ARAP1: variants seen among roughly 807,000 people sequenced by gnomAD.
ARAP1 encodes the protein arf-GAP with Rho-GAP domain, ANK repeat and PH domain-containing protein 1.
ARAP1 carries 76 observed loss-of-function variants against 172.2 expected under a neutral mutation model. The ratio of observed to expected loss-of-function variants is 0.44; its 90% CI spans 0.37 to 0.53. The LOEUF (loss-of-function observed/expected upper bound fraction) is 0.53, where lower values mean the gene tolerates loss of function less well. Ranked by LOEUF, ARAP1 falls within the 20% of genes least tolerant of loss-of-function variation. The pLI is 0.00. For synonymous variants in ARAP1, 804 were observed against 803.3 expected (o/e 1.00, Z -0.01); for missense variants, 1,686 against 1,977.5 (o/e 0.85, Z 2.80).
chr11:72,698,456 A>G (rs914361548), intron 18 of ARAP1, among the ~76,000 whole-genome samples: 7 of 152,194 alleles, frequency 4.6e-5, no homozygotes, highest in Non-Finnish European at 1.0e-4. Flanking sequence ...CATGGGTGCT[A>G]CTGAAGAGCT....
At chr11:72,749,161 T>A (rs1269566674) in intron 1 of ARAP1, among the ~76,000 whole-genome samples, 1 of 152,146 alleles carries the variant, frequency 6.6e-6, no homozygotes, top group Non-Finnish European at 1.5e-5. Flanking sequence ...GCTGCCTCGG[T>A]CACCACCCGG....
intron 12 of ARAP1, 30 bp from the exon 13 acceptor site, chr11:72,705,920 C>G: frequency 6.2e-7 from 1 of 1,610,718 alleles, no homozygotes; most frequent in Non-Finnish European, 8.5e-7. Context: ...CCCAGAATCA[C>G]CTGGGCCCCC....
chr11:72,744,390 C>T (rs913728252), intron 1 of ARAP1, among the ~76,000 whole-genome samples: 2 of 152,166 alleles, frequency 1.3e-5, no homozygotes, highest in African/African-American at 4.8e-5. Context: ...AGCCTCCAGC[C>T]TCCCAATACG....
intron 8 of ARAP1, 123 bp from the exon 9 acceptor site, chr11:72,711,264 C>A (rs1374122492): frequency 3.3e-6 from 5 of 1,507,424 alleles, no homozygotes; most frequent in Non-Finnish European, 2.7e-6. Flanking sequence ...CCTGTGCTGA[C>A]CCTGACTGCA....
At position 72,709,864 on chromosome 11, in the gene ARAP1, G is replaced by A. The variant is rs1403514567; in HGVS notation, c.1523+6C>T. ...ATGCCGGTGAGCCAAGAAGATGGAGGGTCACCTGAAGATGCGGTAGGGCGT... is the reference window on the plus strand; with the variant it reads ...ATGCCGGTGAGCCAAGAAGATGGAGAGTCACCTGAAGATGCGGTAGGGCGT... On this transcript the variant is annotated splice_donor_region_variant and intron_variant, in intron 11 of 34. Coordinates refer to ENST00000393609, the MANE Select transcript of ARAP1 (RefSeq NM_001040118.3). 13 of 1,613,718 alleles carry A rather than the reference G, an allele frequency of 8.1e-6. 1 individual carries two copies. Among genetic ancestry groups the A allele is most frequent in the Non-Finnish European group, 1.1e-5 (13 of 1,179,760 alleles).
Position 72,697,093 on chromosome 11 carries a change from T to A in ARAP1, c.3056A>T (p.Glu1019Val). 6.2e-7 allele frequency: 1 copy of A among 1,609,374 alleles called. No individual in the cohort carries two copies. Residue 1019 changes from glutamate (E) to valine (V), a missense_variant, in exon 22 of 35, where the codon GAG becomes GTG. Physicochemically the swap from Glu to Val is moderately radical, Grantham distance 121 (BLOSUM62 -2). This residue lies in a region of ARAP1 where 274 missense variants were observed against 262.7 expected (regional missense o/e 1.04). Coordinates refer to ENST00000393609, the MANE Select transcript of ARAP1 (RefSeq NM_001040118.3). ...RQDARSVHLK[E>V]GEQHVDDVSS... Reference sequence around the variant, plus strand: ...AACATCATCCACGTGCTGCTCGCCCTCCTTGAGGTGCACAGAGCGCGCATC... The same window carrying A: ...AACATCATCCACGTGCTGCTCGCCCACCTTGAGGTGCACAGAGCGCGCATC...
chr11:72,727,303 G>C (rs1271490342), intron 2 of ARAP1, 131 bp from the exon 3 acceptor site: 1 of 811,222 alleles, frequency 1.2e-6, no homozygotes, highest in Non-Finnish European at 1.9e-6. Flanking sequence ...TGTGCTCCAT[G>C]TGCTAAGCAA....
intron 1 of ARAP1, among the ~76,000 whole-genome samples, chr11:72,744,976 C>T (rs1369515634): frequency 6.6e-6 from 1 of 152,184 alleles, no homozygotes; most frequent in African/African-American, 2.4e-5. Flanking sequence ...GGGAGGGAAG[C>T]CTTTAGCCAA....
Position 72,685,430 on chromosome 11 carries a change from A to C in ARAP1, c.*234T>G. The C allele has an allele frequency of 1.7e-6, 1 of 594,268 alleles. No homozygotes were observed. The highest frequency in any genetic ancestry group is 3.0e-6 in the Non-Finnish European group (1 of 335,380). The allele number at this position is 594,268 out of a possible 1,614,324, so 36.8% of individuals were successfully genotyped here. A position where few individuals can be genotyped will look rare whatever the true frequency, so the allele number is the denominator to read the frequency against. ...CCCGGTGGGGTGAGCAGGTTGGGCCAAGAGGTCTGAACACCTGGACAGAGT... is the reference window on the plus strand; with the variant it reads ...CCCGGTGGGGTGAGCAGGTTGGGCCCAGAGGTCTGAACACCTGGACAGAGT... On this transcript the variant is annotated 3_prime_UTR_variant, in exon 35 of 35. Transcript: ENST00000393609.
chr11:72,692,858 T>A, intron 29 of ARAP1, 73 bp from the exon 30 acceptor site: 1 of 1,587,640 alleles, frequency 6.3e-7, no homozygotes, highest in South Asian at 1.1e-5. Context: ...CAGTGATGTG[T>A]GGGGTTGGGG....
At chr11:72,697,671 T>C in intron 19 of ARAP1, 22 bp from the exon 20 acceptor site, 1 of 1,613,770 alleles carries the variant, frequency 6.2e-7, no homozygotes, top group South Asian at 1.1e-5. Flanking sequence ...TTAGTCAAGG[T>C]GAGGCCCAGG....
At chr11:72,701,513 G>A (rs1413051290) in intron 16 of ARAP1, 136 bp downstream of exon 16, 8 of 1,259,762 alleles carry the variant, frequency 6.4e-6, no homozygotes, top group Non-Finnish European at 8.7e-6. Context: ...TACCTACTGT[G>A]TACCACAGAC....
intron 3 of ARAP1, among the ~76,000 whole-genome samples, chr11:72,719,826 G>T (rs1321699677): frequency 6.6e-6 from 1 of 152,060 alleles, no homozygotes; most frequent in Admixed American, 6.5e-5. Flanking sequence ...GTCTATCAGT[G>T]CATACTTACA....
intron 4 of ARAP1, 119 bp from the exon 5 acceptor site, chr11:72,713,362 G>C: frequency 3.3e-6 from 3 of 921,316 alleles, no homozygotes; most frequent in Non-Finnish European, 5.0e-6. Context: ...ACCTCCCCCT[G>C]GCTTTCAAAA....
chr11:72,734,371 T>C (rs928452919), intron 1 of ARAP1, among the ~76,000 whole-genome samples: 1 of 152,182 alleles, frequency 6.6e-6, no homozygotes, highest in African/African-American at 2.4e-5. Context: ...TCCTCCCACT[T>C]TGACCTCCCA....
chr11:72,706,746 A>G (rs756362698), intron 12 of ARAP1, among the ~76,000 whole-genome samples: 9 of 151,992 alleles, frequency 5.9e-5, no homozygotes, highest in Admixed American at 3.9e-4. Context: ...CTGACCCACA[A>G]ATCTGACCAT....
In ARAP1 at chr11:72,710,457, C is replaced by T. The variant is rs1856963428; in HGVS notation, c.1344G>A (p.Glu448=). 10 of 1,614,006 alleles carry T rather than the reference C, an allele frequency of 6.2e-6. No homozygotes were observed. The highest frequency in any genetic ancestry group is 8.5e-6 in the Non-Finnish European group (10 of 1,180,004). Residue 448 remains glutamate (E), a synonymous_variant, in exon 10 of 35, where the codon GAG becomes GAA. Transcript: ENST00000393609. This position sits in a 1 kb window ranked among gnomAD's most constrained non-coding sequence, Gnocchi z 4.3. ...SEQPDRAGSL[E]LRGFKNKLYV... The stretch of plus-strand genomic sequence containing the variant: ...ACAGCTTATTCTTGAAGCCACGAAG[C>T]TCCAGGCTGCCAGCGCGGTCAGGCT...
Position 72,699,584 on chromosome 11 carries a change from G to A in ARAP1, c.2303-32C>T. On this transcript the variant is annotated intron_variant, in intron 16 of 34. Coordinates refer to ENST00000393609, the MANE Select transcript of ARAP1 (RefSeq NM_001040118.3). The surrounding 1 kb of genome is among the most constrained non-coding windows in gnomAD (Gnocchi z 4.2). Reference sequence around the variant, plus strand: ...AGAATTTGGGCAGGGGAGCCATCAGGGAGCCCCCCACCACCTGAAAACCAC... The same window carrying A: ...AGAATTTGGGCAGGGGAGCCATCAGAGAGCCCCCCACCACCTGAAAACCAC... 1 of 1,599,116 alleles carries A rather than the reference G, an allele frequency of 6.3e-7. No individual in the cohort carries two copies. The highest frequency in any genetic ancestry group is 1.3e-5 in the African/African-American group (1 of 74,638).
At chr11:72,705,551 G>A (rs944775811) in intron 13 of ARAP1, 2 of 492,094 alleles carry the variant, frequency 4.1e-6, no homozygotes, top group South Asian at 6.6e-5. Flanking sequence ...AGTCTCTGCT[G>A]CATTTTCTTC....
Sources: gnomAD v4.1 joint callset for allele counts (sites outside exome capture counted in the v4.1 genomes callset) on GRCh38, gnomAD v4.1.1 for gene constraint, gnomAD v4.1.1 regional missense constraint, Gnocchi (gnomAD v3.1) non-coding constraint, MANE v1.5 for transcripts, NCBI Gene and HGNC (gene_info 2026-07-23, HGNC 2026-07-21) for gene names.